ARHGAP10: variants seen among roughly 807,000 people sequenced by gnomAD.
ARHGAP10 encodes the protein Rho GTPase activating protein 10.
A neutral mutation model predicts 108.6 loss-of-function variants in ARHGAP10; 87 were observed. The observed-to-expected ratio is 0.80, with a 90% CI of 0.67 to 0.96. The LOEUF is 0.96. Among genes scored for constraint, ARHGAP10 ranks in the 40% least tolerant of loss-of-function variants. The pLI, the probability that ARHGAP10 is intolerant of heterozygous loss-of-function variation, is 0.00. For missense variants in ARHGAP10, 939 were observed against 954.5 expected (o/e 0.98, Z 0.21); for synonymous variants, 347 against 341.1 (o/e 1.02, Z -0.19).
intron 1 of ARHGAP10, among the ~76,000 whole-genome samples, chr4:147,740,334 G>A (rs1728609139): frequency 6.6e-6 from 1 of 152,114 alleles, no homozygotes; most frequent in South Asian, 2.1e-4. Flanking sequence ...ATCACAATTT[G>A]TCATTGATGG....
At chr4:147,787,005 C>T (rs758318667) in intron 1 of ARHGAP10, among the ~76,000 whole-genome samples, 6 of 152,168 alleles carry the variant, frequency 3.9e-5, no homozygotes, top group Non-Finnish European at 8.8e-5. Flanking sequence ...TGTTGTCAGT[C>T]ACTTTTTTGT....
chr4:147,823,730 C>T (rs1560776766), intron 3 of ARHGAP10, among the ~76,000 whole-genome samples: 1 of 151,968 alleles, frequency 6.6e-6, no homozygotes, highest in African/African-American at 2.4e-5. Context: ...GCCCTCCAGC[C>T]TGGGTGACAG....
Position 147,809,991 on chromosome 4 carries a change from A to T in ARHGAP10, c.155-12736A>T, listed in dbSNP as rs192551081. 1.6e-3 allele frequency among the ~76,000 whole-genome samples: 247 copies of T among 152,332 alleles called. 1 individual carries two copies. Among genetic ancestry groups the T allele is most frequent in the African/African-American group, 5.7e-3 (238 of 41,578 alleles). On this transcript the variant is annotated intron_variant, in intron 1 of 22. Coordinates refer to ENST00000336498, the MANE Select transcript of ARHGAP10 (RefSeq NM_024605.4). ...TTTAAGGTTGAGACTACTGCTATTA[A>T]CAACTGTCATTCTATTATTTAGTAT...
At chr4:147,834,216 T>G (rs1253959311) in intron 3 of ARHGAP10, among the ~76,000 whole-genome samples, 2 of 152,120 alleles carry the variant, frequency 1.3e-5, no homozygotes, top group African/African-American at 4.8e-5. Context: ...ACACCTGTAG[T>G]CCCAGCACTT....
intron 1 of ARHGAP10, among the ~76,000 whole-genome samples, chr4:147,801,897 CCAGGGATTTTA>C (rs1212428202): frequency 1.3e-5 from 2 of 152,094 alleles, no homozygotes; most frequent in Non-Finnish European, 2.9e-5. Context: ...TTTGAAGTCC[CCAGGGATTTTA>C]CAGAAAATGG....
chr4:147,991,145 T>TA (rs575585774), intron 18 of ARHGAP10, among the ~76,000 whole-genome samples: 6,388 of 128,220 alleles, frequency 0.05, 176 homozygotes, highest in African/African-American at 0.064. Context: ...CCCCTGAACC[T>TA]AAAAAAAAAA....
intron 21 of ARHGAP10, 51 bp from the exon 22 acceptor site, chr4:148,064,365 C>A: frequency 6.4e-7 from 1 of 1,562,954 alleles, no homozygotes. Context: ...TGAAGTTTCT[C>A]TCTGTTTTCC....
At chr4:148,060,205 A>G (rs1367176614) in intron 20 of ARHGAP10, among the ~76,000 whole-genome samples, 1 of 152,192 alleles carries the variant, frequency 6.6e-6, no homozygotes, top group African/African-American at 2.4e-5. Flanking sequence ...TCTAAAACTA[A>G]TACTTTCCTC....
At chr4:147,938,441 G>C (rs1560835616) in intron 13 of ARHGAP10, among the ~76,000 whole-genome samples, 1 of 152,190 alleles carries the variant, frequency 6.6e-6, no homozygotes, top group Non-Finnish European at 1.5e-5. Flanking sequence ...ACTTGACAAG[G>C]AAGAATGAAT....
chr4:147,995,934 G>A (rs1315379860), intron 18 of ARHGAP10, among the ~76,000 whole-genome samples: 1 of 152,044 alleles, frequency 6.6e-6, no homozygotes, highest in African/African-American at 2.4e-5. Flanking sequence ...AGCCAGGATG[G>A]TCTCCATCTC....
intron 13 of ARHGAP10, among the ~76,000 whole-genome samples, chr4:147,935,152 G>A (rs762470890): frequency 5.9e-5 from 9 of 152,098 alleles, no homozygotes; most frequent in Non-Finnish European, 1.0e-4. Flanking sequence ...GGTGATGGTC[G>A]AGCTGTCTGT....
intron 1 of ARHGAP10, among the ~76,000 whole-genome samples, chr4:147,821,557 A>G (rs1054688215): frequency 2.6e-5 from 4 of 152,234 alleles, no homozygotes; most frequent in East Asian, 1.9e-4. Flanking sequence ...ATTAGAGGAA[A>G]AATGAAGTTT....
At chr4:147,987,883 C>T (rs1740102627) in intron 18 of ARHGAP10, among the ~76,000 whole-genome samples, 1 of 152,206 alleles carries the variant, frequency 6.6e-6, no homozygotes, top group Non-Finnish European at 1.5e-5. Context: ...CCAAGGCAGT[C>T]TTGAGTCCCA....
chr4:147,961,888 T>C (rs1739013725), intron 16 of ARHGAP10, among the ~76,000 whole-genome samples: 1 of 152,254 alleles, frequency 6.6e-6, no homozygotes, highest in Admixed American at 6.5e-5. Flanking sequence ...CACCTCTTCC[T>C]CCTCCTTGGC....
chr4:147,798,527 A>G (rs1279054279), intron 1 of ARHGAP10, among the ~76,000 whole-genome samples: 8 of 151,170 alleles, frequency 5.3e-5, no homozygotes, highest in Admixed American at 4.6e-4. Flanking sequence ...CCTGGCCAAC[A>G]TGATGACTTT....
In ARHGAP10 at chr4:148,042,651, C is replaced by T. The variant is rs561685395; in HGVS notation, c.1868-4241C>T. On this transcript the variant is annotated intron_variant, in intron 19 of 22. Coordinates refer to ENST00000336498, the MANE Select transcript of ARHGAP10 (RefSeq NM_024605.4). ...TGGGTCTGAAAGCTCCTTGACATAA[C>T]CATATTACAGCAAACACCACCTTGT... Among the ~76,000 whole-genome samples, 3 of 152,294 alleles carry T rather than the reference C, an allele frequency of 2.0e-5. No homozygotes were observed. The East Asian group carries it at 5.8e-4, about 29-fold the overall frequency.
chr4:148,029,124 G>A (rs1427153942), intron 19 of ARHGAP10, among the ~76,000 whole-genome samples: 1 of 152,154 alleles, frequency 6.6e-6, no homozygotes, highest in Non-Finnish European at 1.5e-5. Context: ...TAGTGTATAT[G>A]GGAAAGTCAG....
At chr4:147,913,258 A>G in intron 13 of ARHGAP10, 119 bp downstream of exon 13, 2 of 833,502 alleles carry the variant, frequency 2.4e-6, no homozygotes, top group Non-Finnish European at 3.9e-6. Flanking sequence ...ACAAATGCTC[A>G]TTCTGAGTAT....
At chr4:148,039,333 T>A (rs1173063509) in intron 19 of ARHGAP10, among the ~76,000 whole-genome samples, 1 of 151,288 alleles carries the variant, frequency 6.6e-6, no homozygotes, top group Non-Finnish European at 1.5e-5. Flanking sequence ...TCTGCTCAAA[T>A]TTTTTTTCTT....
Sources: gnomAD v4.1 joint callset for allele counts (sites outside exome capture counted in the v4.1 genomes callset) on GRCh38, gnomAD v4.1.1 for gene constraint, MANE v1.5 for transcripts, NCBI Gene and HGNC (gene_info 2026-07-23, HGNC 2026-07-21) for gene names.